CACNA1C: variants seen among roughly 807,000 people sequenced by gnomAD.
The protein encoded by CACNA1C is voltage-dependent L-type calcium channel subunit alpha-1C.
Under a neutral mutation model 229.0 loss-of-function variants are expected in CACNA1C, and 30 were observed. The observed-to-expected ratio is 0.13, with a 90% CI of 0.10 to 0.18. The LOEUF (loss-of-function observed/expected upper bound fraction) is 0.18, where lower values mean the gene tolerates loss of function less well. Ranked by LOEUF, CACNA1C falls within the 10% of genes least tolerant of loss-of-function variation. The pLI is 1.00. For synonymous variants in CACNA1C, 1,114 were observed against 1,132.5 expected (o/e 0.98, Z 0.33); for missense variants, 1,658 against 2,845.0 (o/e 0.58, Z 9.49).
chr12:2,176,094 C>CAT (rs1023550080), intron 3 of CACNA1C, among the ~76,000 whole-genome samples: 1 of 152,022 alleles, frequency 6.6e-6, no homozygotes, highest in African/African-American at 2.4e-5. Context: ...AGGACAGGGA[C>CAT]ATGAGGATGC....
chr12:2,538,334 C>T (rs1029767373), intron 9 of CACNA1C, among the ~76,000 whole-genome samples: 31 of 152,206 alleles, frequency 2.0e-4, no homozygotes, highest in African/African-American at 7.5e-4. Flanking sequence ...GGAAGCCAAG[C>T]TGGGCCTGGG....
intron 3 of CACNA1C, among the ~76,000 whole-genome samples, chr12:2,420,311 T>C (rs1021297979): frequency 2.6e-5 from 4 of 152,104 alleles, no homozygotes; most frequent in African/African-American, 9.7e-5. Context: ...ATATGAGAGA[T>C]TGGACCAGGG....
chr12:2,577,935 C>T (rs2059058042), intron 13 of CACNA1C, among the ~76,000 whole-genome samples: 2 of 149,558 alleles, frequency 1.3e-5, no homozygotes, highest in South Asian at 4.2e-4. Context: ...GTGGCGCGAT[C>T]TCGGCTCACT....
chr12:2,232,732 T>C (rs545680454), intron 3 of CACNA1C, among the ~76,000 whole-genome samples: 51 of 152,208 alleles, frequency 3.4e-4, no homozygotes, highest in Non-Finnish European at 7.1e-4. Context: ...ACTAGACTTC[T>C]CCCATTAAGG....
chr12:2,339,279 T>G (rs1429426086), intron 3 of CACNA1C, among the ~76,000 whole-genome samples: 4 of 152,242 alleles, frequency 2.6e-5, no homozygotes, highest in Non-Finnish European at 5.9e-5. Context: ...AAGTACAGTA[T>G]AAAAGATTAA....
intron 3 of CACNA1C, among the ~76,000 whole-genome samples, chr12:2,193,429 T>C (rs1437322909): frequency 6.6e-6 from 1 of 151,964 alleles, no homozygotes; most frequent in Non-Finnish European, 1.5e-5. Flanking sequence ...AACTCCAGCC[T>C]GGGCAATCGA....
At chr12:2,636,306 C>T (rs1339675705) in intron 30 of CACNA1C, among the ~76,000 whole-genome samples, 1 of 152,224 alleles carries the variant, frequency 6.6e-6, no homozygotes, top group African/African-American at 2.4e-5. Flanking sequence ...GTTCTTCCTA[C>T]AGTCACCAAG....
intron 3 of CACNA1C, among the ~76,000 whole-genome samples, chr12:2,131,633 C>T (rs913919353): frequency 1.2e-4 from 16 of 138,292 alleles, no homozygotes; most frequent in African/African-American, 4.5e-4. Context: ...GGTGTTATTT[C>T]TGAGGGCTCT....
chr12:2,151,667 T>A (rs2095277919), intron 3 of CACNA1C, among the ~76,000 whole-genome samples: 2 of 152,120 alleles, frequency 1.3e-5, no homozygotes, highest in Non-Finnish European at 2.9e-5. Context: ...TGGCTTTGTA[T>A]TGATGAAGAA....
Position 2,679,699 on chromosome 12 carries a change from G to A in CACNA1C, c.5347G>A (p.Gly1783Ser), listed in dbSNP as rs781633980. The A allele has an allele frequency of 7.4e-6, 12 of 1,611,416 alleles. No individual in the cohort carries two copies. Among genetic ancestry groups the A allele is most frequent in the South Asian group, 4.4e-5 (4 of 90,630 alleles). Residue 1783 changes from glycine (G) to serine (S), a missense_variant, in exon 42 of 47, where the codon GGC becomes AGC. By Grantham distance (56) the Gly-to-Ser change is moderately conservative (BLOSUM62 0). Around this residue, in one of 20 missense-constraint regions of CACNA1C, gnomAD observed 590 missense variants for 700.8 expected, o/e 0.84. Coordinates refer to ENST00000399655, the MANE Select transcript of CACNA1C (RefSeq NM_000719.7). This position sits in a 1 kb window ranked among gnomAD's most constrained non-coding sequence, Gnocchi z 5.5. ...TALGRLPRPA[G>S]YPSTVSTVEG... is the part of the protein sequence containing the mutation. ...CCTGGGTCGCCTCCCTCGCCCCGCCGGCTACCCCAGCACGGTCAGCACTGT... is the reference window on the plus strand; with the variant it reads ...CCTGGGTCGCCTCCCTCGCCCCGCCAGCTACCCCAGCACGGTCAGCACTGT...
chr12:2,691,143 GGTCGACCGA>G lies in CACNA1C; in HGVS notation c.6364_6372del (p.Arg2122_Ser2124del), dbSNP rs760320817. 4 of 1,606,422 alleles carry G rather than the reference GGTCGACCGA, an allele frequency of 2.5e-6. No homozygotes were observed. In the Admixed American group the frequency reaches 6.7e-5, roughly 27 times the overall value. On this transcript the variant is annotated inframe_deletion, in exon 47 of 47. Coordinates refer to ENST00000399655, the MANE Select transcript of CACNA1C (RefSeq NM_000719.7). ...GGACGCGGGCTGTGTGCGCGCGCGGGGTCGACCGAGTGAGGAGGAGCTCCAGGACAGCAG... is the reference window on the plus strand; with the variant it reads ...GGACGCGGGCTGTGTGCGCGCGCGGGGTGAGGAGGAGCTCCAGGACAGCAG...
chr12:2,364,442 C>T (rs534910085), intron 3 of CACNA1C, among the ~76,000 whole-genome samples: 1 of 152,110 alleles, frequency 6.6e-6, no homozygotes, highest in Non-Finnish European at 1.5e-5. Flanking sequence ...ACCTGTAAAC[C>T]CGGTGTGGCG....
intron 3 of CACNA1C, among the ~76,000 whole-genome samples, chr12:2,301,443 G>T (rs78915705): frequency 1.3e-5 from 2 of 152,162 alleles, no homozygotes; most frequent in Non-Finnish European, 2.9e-5. Flanking sequence ...TACCTGATCC[G>T]TGATTTGCCC....
chr12:2,120,000 G>C (rs1013013531), intron 2 of CACNA1C, among the ~76,000 whole-genome samples: 5 of 152,250 alleles, frequency 3.3e-5, no homozygotes, highest in Non-Finnish European at 5.9e-5. Context: ...ATGCTCTTTA[G>C]AGGCAACCTC....
chr12:2,023,458 T>A (rs1237717472), intron 1 of CACNA1C, among the ~76,000 whole-genome samples: 1 of 152,172 alleles, frequency 6.6e-6, no homozygotes, highest in East Asian at 1.9e-4. Context: ...TACATTTTAG[T>A]AGTTGACAGG....
In CACNA1C at chr12:2,653,688, A is replaced by T; in HGVS notation, c.4075-147A>T. ...TCAGACCTTCTCGCAGGTTCCCCGT[A>T]GTCCTGTGGGACTCTTGGAAGTGTC... is the stretch of plus-strand genomic sequence containing the variant. On this transcript the variant is annotated intron_variant, in intron 32 of 46. Transcript: ENST00000399655. This position sits in a 1 kb window ranked among gnomAD's most constrained non-coding sequence, Gnocchi z 4.7. The T allele has an allele frequency of 1.5e-6, 1 of 669,776 alleles. No homozygotes were observed. The highest frequency in any genetic ancestry group is 2.7e-6 in the Non-Finnish European group (1 of 375,646). 41.5% of individuals were successfully genotyped at this position (669,776 alleles called of 1,614,324 possible).
chr12:2,235,041 AAGGGAAGGATTC>A (rs1243014388), intron 3 of CACNA1C, among the ~76,000 whole-genome samples: 4 of 152,072 alleles, frequency 2.6e-5, no homozygotes, highest in Non-Finnish European at 1.5e-5. Context: ...AACTCTCTTC[AAGGGAAGGATTC>A]AGGCAGCATT....
chr12:2,603,107 T>A (rs1322819385), intron 22 of CACNA1C, among the ~76,000 whole-genome samples: 1 of 152,188 alleles, frequency 6.6e-6, no homozygotes, highest in Non-Finnish European at 1.5e-5. Flanking sequence ...TCATCAGTTA[T>A]ATTACCCCAT....
intron 1 of CACNA1C, among the ~76,000 whole-genome samples, chr12:2,070,857 TTTTC>T (rs983877955): frequency 1.7e-4 from 26 of 152,010 alleles, no homozygotes; most frequent in African/African-American, 5.8e-4. Context: ...CTCTCTTCCT[TTTTC>T]TTTCTTTATT....
Sources: gnomAD v4.1 joint callset for allele counts (sites outside exome capture counted in the v4.1 genomes callset) on GRCh38, gnomAD v4.1.1 for gene constraint, gnomAD v4.1.1 regional missense constraint, Gnocchi (gnomAD v3.1) non-coding constraint, MANE v1.5 for transcripts, NCBI Gene and HGNC (gene_info 2026-07-23, HGNC 2026-07-21) for gene names.